ADAM20: variants seen among roughly 807,000 people sequenced by gnomAD.
ADAM20 encodes disintegrin and metalloproteinase domain-containing protein 20.
For missense variants in ADAM20, 871 were observed against 883.2 expected, an observed-to-expected ratio of 0.99 and a Z score of 0.18; for synonymous variants, 305 against 310.2, an observed-to-expected ratio of 0.98 and a Z score of 0.18.
chr14:70,523,531 G>A lies in ADAM20; in HGVS notation c.1227C>T (p.Tyr409=), dbSNP rs1304478068. The stretch of plus-strand genomic sequence containing the variant: ...CTTCTTCAACCACTAGATTCCCACA[G>A]TACTTCAGTCTAAATATATTCCCTG... ...PYPGNIFRLK[Y]CGNLVVEEGE... is the part of the protein sequence containing the mutation. The change falls in exon 2 of 2, where the codon TAC becomes TAT. Residue 409 remains tyrosine (Y), a synonymous_variant. Transcript: ENST00000256389. 6.2e-7 allele frequency: 1 copy of A among 1,613,908 alleles called. No homozygotes were observed. Among genetic ancestry groups the A allele is most frequent in the Non-Finnish European group, 8.5e-7 (1 of 1,179,974 alleles).
At chr14:70,541,678 G>A in the ADAM20 span, among the ~76,000 whole-genome samples, 1 of 152,176 alleles carries the variant, frequency 6.6e-6, no homozygotes, top group Non-Finnish European at 1.5e-5. Context: ...AGGAAGCACT[G>A]TCAGATATAA....
At chr14:70,533,606 G>C (rs1019647096) in intron 1 of ADAM20, among the ~76,000 whole-genome samples, 2 of 152,040 alleles carry the variant, frequency 1.3e-5, no homozygotes, top group African/African-American at 4.8e-5. Context: ...GTTGAGGGAT[G>C]GGGGGCAAGG....
the ADAM20 span, among the ~76,000 whole-genome samples, chr14:70,561,072 T>C: frequency 3.3e-5 from 5 of 152,332 alleles, no homozygotes; most frequent in South Asian, 2.1e-4. Context: ...TAGAAACTTA[T>C]TGAATGGCTT....
the ADAM20 span, among the ~76,000 whole-genome samples, chr14:70,570,050 G>A: frequency 0.085 from 12,902 of 151,870 alleles, 616 homozygotes; most frequent in Middle Eastern, 0.11. Flanking sequence ...CCACAAGCTC[G>A]GTCATAAAGC....
At chr14:70,536,441 G>C (rs1883833528), upstream of ADAM20, among the ~76,000 whole-genome samples, 1 of 97,964 alleles carries the variant, frequency 1.0e-5, no homozygotes, top group Non-Finnish European at 2.0e-5. Flanking sequence ...ACTCCAGCCT[G>C]GGCAACAGAG....
the ADAM20 span, among the ~76,000 whole-genome samples, chr14:70,543,417 A>G: frequency 2.0e-5 from 3 of 152,238 alleles, no homozygotes; most frequent in African/African-American, 7.2e-5. Context: ...ACTAATAGAA[A>G]ATAACACATG....
chr14:70,578,611 T>A, the ADAM20 span, among the ~76,000 whole-genome samples: 2 of 152,306 alleles, frequency 1.3e-5, no homozygotes, highest in South Asian at 4.1e-4. Flanking sequence ...AGCACTAATA[T>A]CCAGAATCTA....
intron 1 of ADAM20, among the ~76,000 whole-genome samples, chr14:70,528,790 T>C (rs971024699): frequency 6.6e-6 from 1 of 152,094 alleles, no homozygotes; most frequent in Non-Finnish European, 1.5e-5. Context: ...AGAGAGAACC[T>C]CCTTGAGTCT....
chr14:70,553,098 G>C, the ADAM20 span, among the ~76,000 whole-genome samples: 48 of 39,280 alleles, frequency 1.2e-3, no homozygotes, highest in African/African-American at 4.7e-3. Context: ...TCATAGGTGG[G>C]AATTGAACAA....
rs1210156974 is a variant in ADAM20 at position 70,524,919 on chromosome 14, T to C, written c.-162A>G. 1.3e-6 allele frequency: 2 copies of C among 1,573,120 alleles called. No homozygotes were observed. Among genetic ancestry groups the C allele is most frequent in the Non-Finnish European group, 1.7e-6 (2 of 1,160,454 alleles). On this transcript the variant is annotated 5_prime_UTR_variant, in exon 2 of 2. Coordinates refer to ENST00000256389, the MANE Select transcript of ADAM20 (RefSeq NM_003814.5). ...TGGAGCTGGACCATCAGAGCTGCAG[T>C]GCTGAAAATAAAAACTGAAAGAGCC...
At position 70,533,288 on chromosome 14, in the gene ADAM20, G is replaced by GAC. The variant is rs1424602528; in HGVS notation, c.-177+1507_-177+1508dup. On this transcript the variant is annotated intron_variant, in intron 1 of 1. Transcript: ENST00000256389. ...GGATTATAAATCATTCTACTATAAA[G>GAC]ACACATGCACACGTATGTTTACTGC... 1.1e-4 allele frequency among the ~76,000 whole-genome samples: 17 copies of GAC among 152,216 alleles called. No individual in the cohort carries two copies. In the South Asian group the frequency reaches 3.5e-3, roughly 32 times the overall value.
chr14:70,541,903 A>T, the ADAM20 span, among the ~76,000 whole-genome samples: 1 of 152,196 alleles, frequency 6.6e-6, no homozygotes, highest in Non-Finnish European at 1.5e-5. Context: ...GCTACCCTAA[A>T]ACTTTTTGTC....
chr14:70,564,012 AC>A, the ADAM20 span, among the ~76,000 whole-genome samples: 5 of 152,192 alleles, frequency 3.3e-5, no homozygotes, highest in African/African-American at 1.2e-4. Context: ...TCAGCCCATG[AC>A]TTCTCCCATG....
chr14:70,562,884 T>A, the ADAM20 span, among the ~76,000 whole-genome samples: 6 of 152,208 alleles, frequency 3.9e-5, no homozygotes, highest in South Asian at 6.2e-4. Context: ...GAGAACAAAC[T>A]AATAAAACTT....
chr14:70,541,980 G>A, the ADAM20 span, among the ~76,000 whole-genome samples: 1 of 152,012 alleles, frequency 6.6e-6, no homozygotes, highest in South Asian at 2.1e-4. Flanking sequence ...TCTAACAGGT[G>A]CCCTTGAATG....
the ADAM20 span, among the ~76,000 whole-genome samples, chr14:70,554,391 T>C: frequency 4.6e-5 from 7 of 152,162 alleles, no homozygotes; most frequent in Non-Finnish European, 1.0e-4. Context: ...TAAATATATA[T>C]CCAAAGGAAC....
At chr14:70,541,277 T>C in the ADAM20 span, among the ~76,000 whole-genome samples, 15 of 152,342 alleles carry the variant, frequency 9.8e-5, no homozygotes, top group East Asian at 2.9e-3. Flanking sequence ...CTCAATGCTT[T>C]ATAAAATGCC....
At chr14:70,536,504 A>G (rs533805262), upstream of ADAM20, among the ~76,000 whole-genome samples, 48 of 146,114 alleles carry the variant, frequency 3.3e-4, no homozygotes, top group South Asian at 2.8e-3. Flanking sequence ...AAAGAATTGC[A>G]CAGTGTATGT....
At chr14:70,555,468 C>A in the ADAM20 span, among the ~76,000 whole-genome samples, 2 of 152,126 alleles carry the variant, frequency 1.3e-5, no homozygotes, top group Non-Finnish European at 2.9e-5. Flanking sequence ...ATAACATGCA[C>A]ACTATTTACT....
Sources: gnomAD v4.1 joint callset for allele counts (sites outside exome capture counted in the v4.1 genomes callset) on GRCh38, gnomAD v4.1.1 for gene constraint, MANE v1.5 for transcripts, NCBI Gene and HGNC (gene_info 2026-07-23, HGNC 2026-07-21) for gene names.